ATP2B4: variants seen among roughly 807,000 people sequenced by gnomAD.
The protein encoded by ATP2B4 is plasma membrane calcium-transporting ATPase 4.
In ATP2B4, 39 loss-of-function variants were observed where a neutral mutation model predicts 110.3. That is an observed-to-expected ratio of 0.35 (90% CI 0.27 to 0.46). The LOEUF (loss-of-function observed/expected upper bound fraction) is 0.46, where lower values mean the gene tolerates loss of function less well. Ranked by LOEUF, ATP2B4 falls within the 20% of genes least tolerant of loss-of-function variation. ATP2B4 has a pLI of 1.00. For synonymous variants in ATP2B4, 538 were observed against 571.7 expected (o/e 0.94, Z 0.84); for missense variants, 1,135 against 1,530.9 (o/e 0.74, Z 4.32).
At chr1:203,637,612 G>A (rs1663497021) in intron 1 of ATP2B4, among the ~76,000 whole-genome samples, 1 of 152,150 alleles carries the variant, frequency 6.6e-6, no homozygotes, top group Admixed American at 6.5e-5. Context: ...TAGAAATTCA[G>A]GCAAAGTTGC....
intron 1 of ATP2B4, among the ~76,000 whole-genome samples, chr1:203,635,917 C>G (rs2102298401): frequency 6.6e-6 from 1 of 152,268 alleles, no homozygotes; most frequent in East Asian, 1.9e-4. Flanking sequence ...GGAAGCCTAC[C>G]TTCCCACCCT....
chr1:203,654,351 A>G (rs1469149924), intron 1 of ATP2B4, among the ~76,000 whole-genome samples: 2 of 152,192 alleles, frequency 1.3e-5, no homozygotes, highest in African/African-American at 4.8e-5. Flanking sequence ...CTCATTGACA[A>G]TGTACCTGGT....
chr1:203,730,316 C>A (rs1237285089), intron 20 of ATP2B4, among the ~76,000 whole-genome samples: 2 of 151,750 alleles, frequency 1.3e-5, no homozygotes, highest in African/African-American at 4.8e-5. Flanking sequence ...TCAAGTTCCT[C>A]CTCTCAGAAA....
intron 15 of ATP2B4, among the ~76,000 whole-genome samples, chr1:203,719,630 G>A (rs1666262142): frequency 6.6e-6 from 1 of 151,744 alleles, no homozygotes; most frequent in South Asian, 2.1e-4. Context: ...GAGGAGACTC[G>A]CTTGAACCCA....
intron 8 of ATP2B4, 124 bp downstream of exon 8, chr1:203,703,937 T>C: frequency 7.8e-7 from 1 of 1,275,804 alleles, no homozygotes; most frequent in Non-Finnish European, 1.1e-6. Context: ...GGTGGCTAGT[T>C]GGGGCTAGGC....
At chr1:203,632,684 T>G (rs1328065214) in intron 1 of ATP2B4, among the ~76,000 whole-genome samples, 1 of 150,424 alleles carries the variant, frequency 6.6e-6, no homozygotes, top group Admixed American at 6.6e-5. Context: ...GATTCTATAT[T>G]CATATTTTAA....
At chr1:203,657,468 C>G (rs370115076) in intron 1 of ATP2B4, 4 of 786,332 alleles carry the variant, frequency 5.1e-6, no homozygotes, top group African/African-American at 3.4e-5. Context: ...TTGTCCCTCT[C>G]TGTCCAGCAG....
chr1:203,692,709 T>C (rs548723414), intron 2 of ATP2B4, among the ~76,000 whole-genome samples: 1 of 152,300 alleles, frequency 6.6e-6, no homozygotes, highest in Admixed American at 6.5e-5. Flanking sequence ...TTCTGATAAG[T>C]AGTGCCTCTG....
rs1665874601 is a variant in ATP2B4 at position 203,707,223 on chromosome 1, G to A, written c.1314G>A (p.Lys438=). Reference sequence around the variant, plus strand: ...CCATCTCACTGGCCTACTCTGTGAAGGTGAGACTAGAACAATCCTATCTCT... The same window carrying A: ...CCATCTCACTGGCCTACTCTGTGAAAGTGAGACTAGAACAATCCTATCTCT... ...AVTISLAYSV[K]KMMKDNNLVR... Residue 438 remains lysine, a splice_region_variant and synonymous_variant, in exon 9 of 21, where the codon AAG becomes AAA. Transcript: ENST00000357681. 6.2e-7 allele frequency: 1 copy of A among 1,612,238 alleles called. No homozygotes were observed. The highest frequency in any genetic ancestry group is 1.1e-5 in the South Asian group (1 of 91,046).
chr1:203,663,277 G>A (rs1409806612), intron 1 of ATP2B4, among the ~76,000 whole-genome samples: 1 of 152,002 alleles, frequency 6.6e-6, no homozygotes, highest in Admixed American at 6.6e-5. Flanking sequence ...CTGCGGACTG[G>A]GAATTCCCTA....
rs556799055 is a variant in ATP2B4, at chr1:203,735,295, C to T, written c.3310-4251C>T. ...GATCTGGTGTTCCCATTGGTAGATT[C>T]TTGGATTCTTGCTAATGCTTATGTC... On this transcript the variant is annotated intron_variant, in intron 20 of 20. Coordinates refer to ENST00000357681, the MANE Select transcript of ATP2B4 (RefSeq NM_001684.5). Among the ~76,000 whole-genome samples, 14 of 152,286 alleles carry T rather than the reference C, an allele frequency of 9.2e-5. 1 individual carries two copies. Among genetic ancestry groups the T allele is most frequent in the Admixed American group, 8.5e-4 (13 of 15,296 alleles).
intron 11 of ATP2B4, among the ~76,000 whole-genome samples, chr1:203,710,071 T>G (rs998933241): frequency 6.6e-6 from 1 of 152,166 alleles, no homozygotes; most frequent in African/African-American, 2.4e-5. Flanking sequence ...TACATAACTT[T>G]AAAAGTGACT....
chr1:203,726,849 C>A (rs1571770754), intron 19 of ATP2B4, among the ~76,000 whole-genome samples: 1 of 152,154 alleles, frequency 6.6e-6, no homozygotes, highest in African/African-American at 2.4e-5. Context: ...CACCTCAAGC[C>A]CAAGAAAACT....
chr1:203,627,869 C>G (rs1663135657), intron 1 of ATP2B4, among the ~76,000 whole-genome samples: 1 of 152,096 alleles, frequency 6.6e-6, no homozygotes, highest in Non-Finnish European at 1.5e-5. Context: ...GTGCTGCTTG[C>G]AAAACATCCT....
intron 1 of ATP2B4, among the ~76,000 whole-genome samples, chr1:203,682,185 G>A (rs1183306116): frequency 6.6e-6 from 1 of 152,142 alleles, no homozygotes; most frequent in African/African-American, 2.4e-5. Flanking sequence ...GTACTCTAAG[G>A]GGCTTTGGAA....
At chr1:203,658,058 A>G (rs377297792) in intron 1 of ATP2B4, among the ~76,000 whole-genome samples, 1 of 152,148 alleles carries the variant, frequency 6.6e-6, no homozygotes, top group African/African-American at 2.4e-5. Flanking sequence ...GTGTTTTTTA[A>G]CCATAAAAAC....
chr1:203,721,106 C>T (rs2102214262), intron 16 of ATP2B4, 91 bp from the exon 17 acceptor site: 1 of 1,345,436 alleles, frequency 7.4e-7, no homozygotes, highest in African/African-American at 1.4e-5. Flanking sequence ...GATTCCAAGT[C>T]TAGGTGGGTC....
intron 1 of ATP2B4, among the ~76,000 whole-genome samples, chr1:203,651,188 A>T (rs566313874): frequency 2.1e-3 from 316 of 152,288 alleles, no homozygotes; most frequent in Non-Finnish European, 3.2e-3. Flanking sequence ...CATACAAGTT[A>T]AAAAATGTTG....
At chr1:203,730,881 C>T (rs1238939426) in intron 20 of ATP2B4, among the ~76,000 whole-genome samples, 1 of 152,218 alleles carries the variant, frequency 6.6e-6, no homozygotes, top group Non-Finnish European at 1.5e-5. Flanking sequence ...GCTGATGAGG[C>T]TAATGATGCT....
Sources: allele counts gnomAD v4.1 joint callset (sites outside exome capture counted in the v4.1 genomes callset), GRCh38; gene constraint gnomAD v4.1.1; transcripts MANE v1.5; gene names NCBI Gene and HGNC (gene_info 2026-07-23, HGNC 2026-07-21).